Variants in LY75 observed in about 807,000 individuals in gnomAD.
LY75 encodes C-type lectin domain family 13 member B.
Under a neutral mutation model 231.7 loss-of-function variants are expected in LY75, and 185 were observed. The observed-to-expected ratio is 0.80, with a 90% CI of 0.71 to 0.90. The LOEUF (loss-of-function observed/expected upper bound fraction) is 0.90, where lower values mean the gene tolerates loss of function less well. Among genes scored for constraint, LY75 ranks in the 40% least tolerant of loss-of-function variants. The pLI is 0.00. For synonymous variants in LY75, 668 were observed against 689.0 expected, an observed-to-expected ratio of 0.97 and a Z score of 0.48; for missense variants, 1,947 against 2,050.2, an observed-to-expected ratio of 0.95 and a Z score of 0.97.
At chr2:159,848,068 G>GTACA (rs1684257165) in intron 23 of LY75, among the ~76,000 whole-genome samples, 1 of 123,918 alleles carries the variant, frequency 8.1e-6, no homozygotes, top group Non-Finnish European at 1.6e-5. Context: ...ATTATGGTGT[G>GTACA]TATATATATA....
intron 16 of LY75, among the ~76,000 whole-genome samples, chr2:159,856,712 G>A (rs1684558485): frequency 6.6e-6 from 1 of 151,880 alleles, no homozygotes; most frequent in Non-Finnish European, 1.5e-5. Flanking sequence ...TAATGGAGGT[G>A]GAATTATTTA....
At chr2:159,887,211 T>A (rs370297045) in intron 4 of LY75, among the ~76,000 whole-genome samples, 62 of 129,962 alleles carry the variant, frequency 4.8e-4, no homozygotes, top group Middle Eastern at 3.8e-3. Context: ...AGAGTGAGAG[T>A]CACACACACA....
intron 25 of LY75, among the ~76,000 whole-genome samples, chr2:159,836,455 T>A (rs1683829856): frequency 6.6e-6 from 1 of 152,168 alleles, no homozygotes. Flanking sequence ...ACCACCCATC[T>A]AGGTACAGGA....
intron 11 of LY75, among the ~76,000 whole-genome samples, chr2:159,877,355 T>G (rs1183280749): frequency 3.9e-5 from 6 of 152,242 alleles, no homozygotes; most frequent in Admixed American, 3.9e-4. Flanking sequence ...GAATGCTTTA[T>G]ACTGCTGTCT....
chr2:159,853,309 C>A lies in LY75; in HGVS notation c.2707G>T (p.Glu903Ter), dbSNP rs747368780. 1 of 1,613,428 alleles carries A rather than the reference C, an allele frequency of 6.2e-7. No individual in the cohort carries two copies. Among genetic ancestry groups the A allele is most frequent in the Non-Finnish European group, 8.5e-7 (1 of 1,179,520 alleles). The change falls in exon 20 of 35, where the codon GAA (glutamate) becomes TAA (stop). Residue 903 changes from glutamate to a stop codon, truncating the protein, a stop_gained. Transcript: ENST00000263636. LOFTEE classifies it high-confidence loss of function. ...GTCTTGGCAGACATGTACAAGCATT[C>A]CTCTCCAAATGTCACAGGAAAGCGG... The part of the protein sequence containing the change: ...WHRFPVTFGE[E>*]CLYMSAKTWL...
intron 16 of LY75, among the ~76,000 whole-genome samples, chr2:159,856,759 G>T (rs575277835): frequency 6.6e-6 from 1 of 152,052 alleles, no homozygotes; most frequent in African/African-American, 2.4e-5. Context: ...TTTTAAGTGG[G>T]TTAATTCCTT....
chr2:159,874,642 T>G lies in LY75; in HGVS notation c.1974+802A>C, dbSNP rs1459803142. 4.8e-4 allele frequency among the ~76,000 whole-genome samples: 15 copies of G among 30,974 alleles called. 1 individual carries two copies. Among genetic ancestry groups the G allele is most frequent in the African/African-American group, 3.5e-3 (15 of 4,280 alleles). 20.3% of individuals were successfully genotyped at this position (30,974 alleles called of 152,430 possible). A position where few individuals can be genotyped will look rare whatever the true frequency, so the allele number is the denominator to read the frequency against. ...TATATATATAGTAAATATATGTAAA[T>G]ATATATATTTTGTAAATATATATAT... is the stretch of plus-strand genomic sequence containing the variant. On this transcript the variant is annotated intron_variant, in intron 12 of 34. Transcript: ENST00000263636.
chr2:159,869,632 A>G (rs570412474), intron 13 of LY75, among the ~76,000 whole-genome samples: 96 of 152,330 alleles, frequency 6.3e-4, no homozygotes, highest in African/African-American at 2.3e-3. Flanking sequence ...TCATTGGGTC[A>G]GGTGATTGTG....
chr2:159,810,541 A>G lies in LY75; in HGVS notation c.4684T>C (p.Leu1562=), dbSNP rs767575389. The part of the protein sequence containing the change: ...ALHSFSEAKK[L]CSKHDHSATI... ...TTTAACTCACCATGTTTTGAACACA[A>G]TTTTTTGGCCTCTGAAAAACTGTGC... Residue 1562 remains leucine, a synonymous_variant, in exon 32 of 35, where the codon TTG becomes CTG. Coordinates refer to ENST00000263636, the MANE Select transcript of LY75 (RefSeq NM_002349.4). The G allele has an allele frequency of 3.1e-6, 5 of 1,612,314 alleles. No homozygotes were observed. Among genetic ancestry groups the G allele is most frequent in the South Asian group, 1.1e-5 (1 of 90,492 alleles).
chr2:159,816,760 A>G (rs369274301), intron 30 of LY75, 46 bp downstream of exon 30: 7 of 1,603,178 alleles, frequency 4.4e-6, no homozygotes, highest in Non-Finnish European at 5.1e-6. Context: ...TCTAACCCTC[A>G]AAATAACACA....
At chr2:159,841,026 TC>T in intron 24 of LY75, 71 bp from the exon 25 acceptor site, 1 of 1,573,622 alleles carries the variant, frequency 6.4e-7, no homozygotes, top group Non-Finnish European at 8.6e-7. Context: ...GACATTTTTT[TC>T]ACATTTCTCC....
intron 14 of LY75, among the ~76,000 whole-genome samples, chr2:159,862,499 A>G (rs1252690870): frequency 6.6e-6 from 1 of 152,080 alleles, no homozygotes; most frequent in Non-Finnish European, 1.5e-5. Flanking sequence ...GATGACTACT[A>G]TATTTATAGC....
At chr2:159,852,903 T>C (rs951631925) in intron 20 of LY75, among the ~76,000 whole-genome samples, 1 of 152,130 alleles carries the variant, frequency 6.6e-6, no homozygotes, top group Non-Finnish European at 1.5e-5. Context: ...GTGACTACCA[T>C]ACCATCCCAG....
intron 31 of LY75, chr2:159,813,964 T>C (rs554084692): frequency 6.6e-6 from 1 of 152,374 alleles, no homozygotes; most frequent in South Asian, 2.1e-4. Flanking sequence ...TTCTTGATTG[T>C]ACCTTGATTC....
Position 159,886,549 on chromosome 2 carries a change from T to A in LY75, c.803-19A>T. 6.4e-7 allele frequency: 1 copy of A among 1,572,796 alleles called. No homozygotes were observed. Among genetic ancestry groups the A allele is most frequent in the East Asian group, 2.3e-5 (1 of 44,420 alleles). On this transcript the variant is annotated intron_variant, in intron 4 of 34. Transcript: ENST00000263636. ...TCTTTTTCTGTAAGAATTAAAAAAT[T>A]TTTAAAAAGTGACAAAGTTGCCTAA...
chr2:159,854,942 G>GT lies in LY75; in HGVS notation c.2384-4dup. ...GTCTGGTGTTTTTGGAGTACGGCCT[G>GT]TATGAGGAAGAAAGCAAGTGGCATT... On this transcript the variant is annotated splice_region_variant and splice_polypyrimidine_tract_variant and intron_variant, in intron 16 of 34. Coordinates refer to ENST00000263636, the MANE Select transcript of LY75 (RefSeq NM_002349.4). 1 of 1,613,786 alleles carries GT rather than the reference G, an allele frequency of 6.2e-7. No homozygotes were observed. Among genetic ancestry groups the GT allele is most frequent in the Non-Finnish European group, 8.5e-7 (1 of 1,179,832 alleles).
In LY75 at chr2:159,850,003, C is replaced by T. The variant is rs769593917; in HGVS notation, c.3127G>A (p.Gly1043Arg). 55 of 1,613,032 alleles carry T rather than the reference C, an allele frequency of 3.4e-5. No homozygotes were observed. Among genetic ancestry groups the T allele is most frequent in the African/African-American group, 4.0e-5 (3 of 74,832 alleles). The part of the protein sequence containing the change: ...YSNFHPLLVS[G>R]RLRIPENFFE... ...ACATTTTCTGGTATTCTCAGCCTCC[C>T]ACTAACCAATAATGGGTGAAAGTTA... Residue 1043 changes from glycine (G) to arginine (R), a missense_variant, in exon 23 of 35, where the codon GGG becomes AGG. Gly to Arg is a moderately radical substitution (Grantham distance 125, BLOSUM62 -2). Coordinates refer to ENST00000263636, the MANE Select transcript of LY75 (RefSeq NM_002349.4).
At chr2:159,876,866 G>A (rs999502892) in intron 11 of LY75, among the ~76,000 whole-genome samples, 2 of 151,630 alleles carry the variant, frequency 1.3e-5, no homozygotes, top group African/African-American at 4.8e-5. Flanking sequence ...AAAATTAGCT[G>A]GGCATGGTGG....
chr2:159,893,508 CTG>C (rs1685819837), intron 3 of LY75, among the ~76,000 whole-genome samples: 1 of 152,194 alleles, frequency 6.6e-6, no homozygotes, highest in Non-Finnish European at 1.5e-5. Flanking sequence ...CCTTTGCCAA[CTG>C]TCTCTTCTTC....
Sources: gnomAD v4.1 joint callset for allele counts (sites outside exome capture counted in the v4.1 genomes callset) on GRCh38, gnomAD v4.1.1 for gene constraint, MANE v1.5 for transcripts, NCBI Gene and HGNC (gene_info 2026-07-23, HGNC 2026-07-21) for gene names.